The following GPC5 variants were observed in gnomAD, a reference collection of about 807,000 sequenced individuals.
GPC5 encodes glypican 5.
Under a neutral mutation model 53.9 loss-of-function variants are expected in GPC5, and 47 were observed. The ratio of observed to expected loss-of-function variants is 0.87; its 90% CI spans 0.69 to 1.11. GPC5 has a LOEUF of 1.11. Among genes scored for constraint, GPC5 ranks in the 50% most tolerant of loss-of-function variants. The pLI is 0.00. For synonymous variants in GPC5, 286 were observed against 263.3 expected, an observed-to-expected ratio of 1.09 and a Z score of -0.84; for missense variants, 748 against 713.1, an observed-to-expected ratio of 1.05 and a Z score of -0.56.
At chr13:92,008,363 A>T (rs2040629331) in intron 6 of GPC5, among the ~76,000 whole-genome samples, 2 of 152,082 alleles carry the variant, frequency 1.3e-5, no homozygotes, top group Admixed American at 6.5e-5. Flanking sequence ...CTCCCGGCCG[A>T]AAATGTTTTA....
At chr13:91,447,980 T>C (rs1880918094) in intron 1 of GPC5, among the ~76,000 whole-genome samples, 1 of 152,190 alleles carries the variant, frequency 6.6e-6, no homozygotes, top group Admixed American at 6.5e-5. Flanking sequence ...CTAGCATATC[T>C]GCTGTGCATA....
chr13:92,787,741 GT>G (rs1468287727), intron 7 of GPC5, among the ~76,000 whole-genome samples: 1 of 150,706 alleles, frequency 6.6e-6, no homozygotes, highest in East Asian at 2.0e-4. Flanking sequence ...CATGGGCATG[GT>G]GACACATACT....
chr13:91,796,745 A>C (rs9556118), intron 5 of GPC5, among the ~76,000 whole-genome samples: 1 of 152,246 alleles, frequency 6.6e-6, no homozygotes, highest in East Asian at 1.9e-4. Flanking sequence ...CTTTGACTAG[A>C]TTAAACCAGA....
chr13:91,586,762 C>A (rs2032612750), intron 2 of GPC5, among the ~76,000 whole-genome samples: 2 of 150,028 alleles, frequency 1.3e-5, no homozygotes, highest in African/African-American at 4.9e-5. Flanking sequence ...AGAGCCAAAC[C>A]ATATCAACAA....
intron 7 of GPC5, among the ~76,000 whole-genome samples, chr13:92,361,672 G>A (rs2043568332): frequency 6.6e-6 from 1 of 151,662 alleles, no homozygotes; most frequent in South Asian, 2.1e-4. Flanking sequence ...AGCTAAAGAG[G>A]AGGATAAGAT....
chr13:92,053,025 T>G lies in GPC5; in HGVS notation c.1402-91805T>G, dbSNP rs145214686. On this transcript the variant is annotated intron_variant, in intron 6 of 7. Transcript: ENST00000377067. ...AAATCATGTTTGTTCGTTTTTATTA[T>G]GATGATCTTGGACTGGACAACCGGT... 1.3e-3 allele frequency among the ~76,000 whole-genome samples: 204 copies of G among 152,312 alleles called. 2 individuals carry two copies. Among genetic ancestry groups the G allele is most frequent in the African/African-American group, 4.7e-3 (194 of 41,566 alleles).
chr13:92,385,075 A>G (rs1162155773), intron 7 of GPC5, among the ~76,000 whole-genome samples: 1 of 151,954 alleles, frequency 6.6e-6, no homozygotes, highest in Non-Finnish European at 1.5e-5. Flanking sequence ...TTTTTTCTGT[A>G]GAAGAGATAT....
chr13:92,155,602 T>C lies in GPC5; in HGVS notation c.1561+10613T>C, dbSNP rs115130587. ...GTTGAATTTTCTTTATCTTCAGCTT[T>C]TTCCTCAACCTTTTTGATCTTCGCT... is the stretch of plus-strand genomic sequence containing the variant. On this transcript the variant is annotated intron_variant, in intron 7 of 7. Transcript: ENST00000377067. Among the ~76,000 whole-genome samples the C allele has an allele frequency of 8.4e-3, 1,286 of 152,272 alleles. 30 individuals carry two copies. Among genetic ancestry groups the C allele is most frequent in the African/African-American group, 0.029 (1,226 of 41,590 alleles).
intron 5 of GPC5, among the ~76,000 whole-genome samples, chr13:91,840,488 G>A (rs1192566258): frequency 4.6e-5 from 7 of 151,984 alleles, no homozygotes; most frequent in Non-Finnish European, 7.4e-5. Context: ...AATGAAGCTT[G>A]CAGTCAGTCA....
intron 5 of GPC5, among the ~76,000 whole-genome samples, chr13:91,850,216 A>G (rs1346770284): frequency 1.3e-5 from 2 of 152,198 alleles, no homozygotes; most frequent in African/African-American, 2.4e-5. Flanking sequence ...GATAATTAGT[A>G]TCATTAAATT....
At position 92,347,907 on chromosome 13, in the gene GPC5, T is replaced by C. The variant is rs1463534540; in HGVS notation, c.1561+202918T>C. ...TTATATATATTATATATATAATATA[T>C]ATATAATATATATATATTATATATA... On this transcript the variant is annotated intron_variant, in intron 7 of 7. Coordinates refer to ENST00000377067, the MANE Select transcript of GPC5 (RefSeq NM_004466.6). Among the ~76,000 whole-genome samples the C allele has an allele frequency of 3.8e-4, 6 of 15,972 alleles. 3 individuals carry two copies. In the Admixed American group the frequency reaches 4.7e-3, roughly 13 times the overall value. 10.5% of individuals were successfully genotyped at this position (15,972 alleles called of 152,430 possible).
intron 6 of GPC5, among the ~76,000 whole-genome samples, chr13:91,913,833 A>G (rs1377421596): frequency 6.6e-6 from 1 of 152,164 alleles, no homozygotes; most frequent in Non-Finnish European, 1.5e-5. Context: ...AAAATCATCC[A>G]TGTTAAATGT....
intron 5 of GPC5, among the ~76,000 whole-genome samples, chr13:91,873,099 T>C (rs1228369569): frequency 6.6e-6 from 1 of 152,342 alleles, no homozygotes; most frequent in East Asian, 1.9e-4. Context: ...GAAAATGATA[T>C]GCAATTGCCA....
At chr13:91,961,573 T>C (rs2040125914) in intron 6 of GPC5, among the ~76,000 whole-genome samples, 1 of 151,972 alleles carries the variant, frequency 6.6e-6, no homozygotes, top group Non-Finnish European at 1.5e-5. Flanking sequence ...CAAAGGAATG[T>C]TTGCAGGAGT....
At chr13:91,980,826 C>G (rs2040350663) in intron 6 of GPC5, among the ~76,000 whole-genome samples, 1 of 152,122 alleles carries the variant, frequency 6.6e-6, no homozygotes, top group South Asian at 2.1e-4. Context: ...GTTAGTTCAC[C>G]TTTATGTAAG....
rs1195423560 is a variant in GPC5, at chr13:92,073,021, TCTTA to T, written c.1402-71804_1402-71801del. Among the ~76,000 whole-genome samples the T allele has an allele frequency of 3.1e-5, 4 of 130,534 alleles. No individual in the cohort carries two copies. The East Asian group carries it at 1.1e-3, about 37-fold the overall frequency. 85.6% of individuals were successfully genotyped at this position (130,534 alleles called of 152,430 possible). On this transcript the variant is annotated intron_variant, in intron 6 of 7. Transcript: ENST00000377067. ...TTTTGGATTTGCTTGTGTTTTCTCA[TCTTA>T]CTTAAACCTACCTCTTTTTCATGAC... is the stretch of plus-strand genomic sequence containing the variant.
chr13:91,416,100 G>C lies in GPC5; in HGVS notation c.163+16891G>C, dbSNP rs1028323462. Reference sequence around the variant, plus strand: ...GGAAATTACCCTGCAGTGTAGCAGAGGTGGGAGGAAGACCGCATATCCTGA... The same window carrying C: ...GGAAATTACCCTGCAGTGTAGCAGACGTGGGAGGAAGACCGCATATCCTGA... On this transcript the variant is annotated intron_variant, in intron 1 of 7. Transcript: ENST00000377067. Among the ~76,000 whole-genome samples the C allele has an allele frequency of 8.5e-5, 13 of 152,078 alleles. No homozygotes were observed. In the East Asian group the frequency reaches 1.2e-3, roughly 14 times the overall value.
intron 7 of GPC5, among the ~76,000 whole-genome samples, chr13:92,804,974 G>C (rs1027319002): frequency 1.6e-4 from 25 of 151,878 alleles, no homozygotes; most frequent in African/African-American, 5.6e-4. Flanking sequence ...TTTATCATGA[G>C]ATTACAGCAA....
chr13:92,710,816 C>A (rs758764318), intron 7 of GPC5, among the ~76,000 whole-genome samples: 2 of 152,072 alleles, frequency 1.3e-5, no homozygotes, highest in Non-Finnish European at 2.9e-5. Flanking sequence ...AATAAGAAAT[C>A]CTTTAAATAT....
Sources: gnomAD v4.1 joint callset for allele counts (sites outside exome capture counted in the v4.1 genomes callset) on GRCh38, gnomAD v4.1.1 for gene constraint, MANE v1.5 for transcripts, NCBI Gene and HGNC (gene_info 2026-07-23, HGNC 2026-07-21) for gene names.